KCNQ5: variants seen among roughly 807,000 people sequenced by gnomAD.
The protein encoded by KCNQ5 is potassium voltage-gated channel subfamily KQT member 5.
KCNQ5 carries 30 observed loss-of-function variants against 98.2 expected under a neutral mutation model. The observed-to-expected ratio is 0.31, with a 90% confidence interval of 0.23 to 0.41. The LOEUF is 0.41. Among genes scored for constraint, KCNQ5 ranks in the 10% least tolerant of loss-of-function variants. The pLI is 1.00. For missense variants in KCNQ5, 835 were observed against 1,182.5 expected, an observed-to-expected ratio of 0.71 and a Z score of 4.31; for synonymous variants, 458 against 449.4, an observed-to-expected ratio of 1.02 and a Z score of -0.24.
intron 10 of KCNQ5, among the ~76,000 whole-genome samples, chr6:73,141,410 A>C (rs1427097919): frequency 6.6e-6 from 1 of 152,140 alleles, no homozygotes; most frequent in Non-Finnish European, 1.5e-5. Context: ...GCTTGTTCTT[A>C]GTTTTTAGTG....
chr6:73,134,733 G>A (rs1206200038), intron 10 of KCNQ5: 1 of 152,444 alleles, frequency 6.6e-6, no homozygotes, highest in Non-Finnish European at 1.5e-5. Context: ...TCCTCCTGGC[G>A]GAGCTTGCAG....
chr6:72,752,721 A>G (rs1771746527), intron 1 of KCNQ5, among the ~76,000 whole-genome samples: 1 of 152,144 alleles, frequency 6.6e-6, no homozygotes, highest in African/African-American at 2.4e-5. Context: ...AATCCATGTA[A>G]AATAGGGGAC....
chr6:72,915,768 A>T (rs1293097037), intron 1 of KCNQ5, among the ~76,000 whole-genome samples: 1 of 152,178 alleles, frequency 6.6e-6, no homozygotes, highest in Non-Finnish European at 1.5e-5. Flanking sequence ...ACCAATAGAA[A>T]ATGACAAGTG....
At chr6:73,027,365 G>A (rs566216003) in intron 2 of KCNQ5, among the ~76,000 whole-genome samples, 159 of 152,246 alleles carry the variant, frequency 1.0e-3, no homozygotes, top group Non-Finnish European at 2.0e-3. Flanking sequence ...GGGACAGACC[G>A]ACACGTATTT....
chr6:72,916,242 A>G (rs1780130911), intron 1 of KCNQ5, among the ~76,000 whole-genome samples: 1 of 152,190 alleles, frequency 6.6e-6, no homozygotes, highest in African/African-American at 2.4e-5. Flanking sequence ...AGGTTTAGTA[A>G]TAGGTATTAA....
At chr6:72,859,603 G>A (rs140020145) in intron 1 of KCNQ5, among the ~76,000 whole-genome samples, 19 of 140,812 alleles carry the variant, frequency 1.3e-4, no homozygotes, top group African/African-American at 4.4e-4. Flanking sequence ...TGGAGCCAGG[G>A]TCTCACTCTG....
chr6:73,084,887 G>A (rs1277421097), intron 5 of KCNQ5, among the ~76,000 whole-genome samples: 2 of 152,216 alleles, frequency 1.3e-5, no homozygotes, highest in African/African-American at 4.8e-5. Context: ...GCAGAAAGAG[G>A]TTTATTATTT....
At chr6:72,759,522 T>C (rs542142470) in intron 1 of KCNQ5, among the ~76,000 whole-genome samples, 8 of 152,274 alleles carry the variant, frequency 5.3e-5, no homozygotes, top group Admixed American at 5.2e-4. Flanking sequence ...TAATTATATC[T>C]GGCAGAGGCA....
In KCNQ5 at chr6:73,198,400, C is replaced by T. The variant is rs1765870537; in HGVS notation, c.*2986C>T. 1 of 152,174 alleles carries T rather than the reference C, an allele frequency of 6.6e-6. No individual in the cohort carries two copies. Among genetic ancestry groups the T allele is most frequent in the Non-Finnish European group, 1.5e-5 (1 of 68,034 alleles). The allele number at this position is 152,174 out of a possible 1,614,324, so 9.4% of individuals were successfully genotyped here. On this transcript the variant is annotated 3_prime_UTR_variant, in exon 14 of 14. Transcript: ENST00000370398. The stretch of plus-strand genomic sequence containing the variant: ...CTGTTCTAAGGTGCCTTTCTCACCT[C>T]CCATTGATTCAGTGATTCTGAAGTT...
At position 72,988,294 on chromosome 6, in the gene KCNQ5, C is replaced by T. The variant is rs1768906040; in HGVS notation, c.399-15614C>T. On this transcript the variant is annotated intron_variant, in intron 1 of 13. Coordinates refer to ENST00000370398, the MANE Select transcript of KCNQ5 (RefSeq NM_019842.4). The stretch of plus-strand genomic sequence containing the variant: ...GTTCAGGGATAAAGTAATAAAATGC[C>T]CTGGGATCACCCAACCACTAAAAAC... 2.0e-5 allele frequency among the ~76,000 whole-genome samples: 3 copies of T among 152,048 alleles called. No individual in the cohort carries two copies. The South Asian group carries it at 6.2e-4, about 32-fold the overall frequency.
At chr6:72,662,314 TA>T (rs894008862) in intron 1 of KCNQ5, among the ~76,000 whole-genome samples, 6 of 152,286 alleles carry the variant, frequency 3.9e-5, no homozygotes, top group Admixed American at 2.0e-4. Flanking sequence ...GTCCTAGGAA[TA>T]AGAGGAAAAA....
At chr6:72,740,915 A>G (rs925419655) in intron 1 of KCNQ5, among the ~76,000 whole-genome samples, 2 of 152,094 alleles carry the variant, frequency 1.3e-5, no homozygotes, top group Admixed American at 6.6e-5. Flanking sequence ...TTTGGGAGGG[A>G]GACCTAGGAA....
At chr6:72,880,365 G>A (rs958412695) in intron 1 of KCNQ5, among the ~76,000 whole-genome samples, 14 of 152,266 alleles carry the variant, frequency 9.2e-5, no homozygotes, top group Admixed American at 4.6e-4. Context: ...TGGAAGGGGC[G>A]AGGGGTCTCC....
chr6:73,129,949 A>G lies in KCNQ5; in HGVS notation c.1248-3472A>G. 9.0e-6 allele frequency: 8 copies of G among 890,128 alleles called. No homozygotes were observed. The South Asian group carries it at 1.2e-4, about 14-fold the overall frequency. 55.1% of individuals were successfully genotyped at this position (890,128 alleles called of 1,614,324 possible). On this transcript the variant is annotated intron_variant, in intron 9 of 13. Transcript: ENST00000370398. ...GCCACCCCACCTGAGCCCTGTTCAG[A>G]GACTCACTCTTTCTAGGGACTTCTT...
At chr6:73,158,507 C>A (rs1414229651) in intron 10 of KCNQ5, among the ~76,000 whole-genome samples, 1 of 152,026 alleles carries the variant, frequency 6.6e-6, no homozygotes, top group Non-Finnish European at 1.5e-5. Context: ...CCTCAGGGAT[C>A]CGCGCGCCTC....
chr6:72,818,792 AC>A (rs1388365774), intron 1 of KCNQ5, among the ~76,000 whole-genome samples: 4 of 151,212 alleles, frequency 2.6e-5, no homozygotes, highest in Non-Finnish European at 5.9e-5. Flanking sequence ...AGTTTTAAAA[AC>A]ATTTTCATAT....
intron 2 of KCNQ5, among the ~76,000 whole-genome samples, chr6:73,025,521 G>A (rs1472389761): frequency 6.6e-6 from 1 of 151,388 alleles, no homozygotes; most frequent in African/African-American, 2.4e-5. Context: ...CTACTCAGGA[G>A]GCTGAGGCAG....
chr6:72,847,841 C>T (rs570904764), intron 1 of KCNQ5, among the ~76,000 whole-genome samples: 1 of 152,276 alleles, frequency 6.6e-6, no homozygotes, highest in South Asian at 2.1e-4. Context: ...ATGGAGACTT[C>T]CAAACCAAAC....
At position 72,907,104 on chromosome 6, in the gene KCNQ5, C is replaced by T. The variant is rs149391888; in HGVS notation, c.399-96804C>T. On this transcript the variant is annotated intron_variant, in intron 1 of 13. Transcript: ENST00000370398. ...GATTTTAGTGTATTCCTTTGAATCA[C>T]GTAAGAATTTCAAATGTTTATTACT... Among the ~76,000 whole-genome samples, 11 of 152,080 alleles carry T rather than the reference C, an allele frequency of 7.2e-5. No individual in the cohort carries two copies. In the East Asian group the frequency reaches 1.2e-3, roughly 16 times the overall value.
Sources: gnomAD v4.1 joint callset for allele counts (sites outside exome capture counted in the v4.1 genomes callset) on GRCh38, gnomAD v4.1.1 for gene constraint, MANE v1.5 for transcripts, NCBI Gene and HGNC (gene_info 2026-07-23, HGNC 2026-07-21) for gene names.